The following WDR20 variants were observed in gnomAD, a reference collection of about 807,000 sequenced individuals.
The protein encoded by WDR20 is WD repeat-containing protein 20.
WDR20 carries 3 observed loss-of-function variants against 38.7 expected under a neutral mutation model. The observed-to-expected ratio is 0.08, with a 90% CI of 0.04 to 0.20. WDR20 has a LOEUF of 0.20. Ranked by LOEUF, WDR20 falls within the 10% of genes least tolerant of loss-of-function variation. WDR20 has a pLI of 1.00. For synonymous variants in WDR20, 298 were observed against 285.6 expected, an observed-to-expected ratio of 1.04 and a Z score of -0.44; for missense variants, 559 against 727.7, an observed-to-expected ratio of 0.77 and a Z score of 2.67.
At chr14:102,214,838 A>G, downstream of WDR20, 2 of 983,464 alleles carry the variant, frequency 2.0e-6, no homozygotes, top group East Asian at 1.1e-4. Context: ...GTATTGTTTT[A>G]TAATTTTAAG....
chr14:102,214,099 C>G, downstream of WDR20: 3 of 985,576 alleles, frequency 3.0e-6, no homozygotes, highest in Non-Finnish European at 3.6e-6. Flanking sequence ...GGTCGGTGTG[C>G]CCTTGGCTGA....
chr14:102,147,414 T>G (rs1039616373), intron 1 of WDR20, among the ~76,000 whole-genome samples: 1 of 152,142 alleles, frequency 6.6e-6, no homozygotes, highest in African/African-American at 2.4e-5. Flanking sequence ...TGGGTAGATA[T>G]GAGCAATGGT....
Position 102,195,117 on chromosome 14 carries a change from G to C in WDR20, c.429G>C (p.Glu143Asp), listed in dbSNP as rs772551709. The change falls in exon 2 of 3, where the codon GAG becomes GAC. Residue 143 changes from glutamate (E) to aspartate (D), a missense_variant. Coordinates refer to ENST00000342702, the MANE Select transcript of WDR20 (RefSeq NM_144574.4). ...AAGAAACTAGCAAACTTTTTAATGA[G>C]GAAGTAAGTAGCACCCTGTCTTAGC... ...IKKETSKLFNEERLIDKSRVT... is the reference protein window; with the variant it reads ...IKKETSKLFNDERLIDKSRVT... 6.2e-6 allele frequency: 10 copies of C among 1,614,000 alleles called. No individual in the cohort carries two copies. Among genetic ancestry groups the C allele is most frequent in the Non-Finnish European group, 7.6e-6 (9 of 1,179,976 alleles).
chr14:102,214,331 C>T (rs374530802), downstream of WDR20: 35 of 985,432 alleles, frequency 3.6e-5, no homozygotes, highest in Middle Eastern at 5.2e-4. Flanking sequence ...CACATCACAG[C>T]GACCCCAAGT....
chr14:102,203,906 TATTTA>T (rs1446658709), intron 2 of WDR20, among the ~76,000 whole-genome samples: 3 of 152,246 alleles, frequency 2.0e-5, no homozygotes, highest in African/African-American at 7.2e-5. Context: ...TTCTTGTATT[TATTTA>T]ATTAAATGTT....
chr14:102,143,381 T>TTAAC (rs2308176), intron 1 of WDR20, among the ~76,000 whole-genome samples: 124,363 of 151,766 alleles, frequency 0.82, 51,714 homozygotes, highest in East Asian at 0.97. Flanking sequence ...GCAAATTTAT[T>TTAAC]TAAAGACAGT....
Position 102,209,270 on chromosome 14 carries a change from A to G in WDR20, c.1100A>G (p.Tyr367Cys). Reference sequence around the variant, plus strand: ...GACAGCCGCCCCGTAAGTGTCACGTATCGGTTTGGTTCCGTGGGCCAGGAC... The same window carrying G: ...GACAGCCGCCCCGTAAGTGTCACGTGTCGGTTTGGTTCCGTGGGCCAGGAC... ...STDSRPVSVT[Y>C]RFGSVGQDTQ... is the part of the protein sequence containing the mutation. The change falls in exon 3 of 3, where the codon TAT (tyrosine) becomes TGT (cysteine). Residue 367 changes from tyrosine to cysteine, a missense_variant. Transcript: ENST00000342702. This position sits in a 1 kb window ranked among gnomAD's most constrained non-coding sequence, Gnocchi z 6.0. The G allele has an allele frequency of 6.2e-7, 1 of 1,614,230 alleles. No homozygotes were observed. Among genetic ancestry groups the G allele is most frequent in the South Asian group, 1.1e-5 (1 of 91,090 alleles).
intron 2 of WDR20, among the ~76,000 whole-genome samples, chr14:102,201,272 T>C (rs778342282): frequency 1.6e-4 from 25 of 152,274 alleles, no homozygotes; most frequent in Non-Finnish European, 2.8e-4. Flanking sequence ...TTGAATTGTT[T>C]CAGTATTTTT....
chr14:102,203,339 A>G (rs2060856263), intron 2 of WDR20, among the ~76,000 whole-genome samples: 1 of 152,202 alleles, frequency 6.6e-6, no homozygotes, highest in African/African-American at 2.4e-5. Context: ...TCAGCATATA[A>G]CCAGTGTAAA....
At chr14:102,167,554 G>C (rs1036144317) in intron 1 of WDR20, 1 of 152,176 alleles carries the variant, frequency 6.6e-6, no homozygotes, top group African/African-American at 2.4e-5. Flanking sequence ...CCTTTGCCTG[G>C]AATGTGCTTC....
In WDR20 at chr14:102,222,978, G is replaced by C; in HGVS notation, c.*95G>C. 6.6e-7 allele frequency: 1 copy of C among 1,509,782 alleles called. No homozygotes were observed. The highest frequency in any genetic ancestry group is 9.2e-7 in the Non-Finnish European group (1 of 1,091,370). The allele number at this position is 1,509,782 out of a possible 1,614,324, so 93.5% of individuals were successfully genotyped here. ...CTGCGCCTGAGCCGTGCCAGCCGGCGGACCTCAGGCGGTGGACGTCGGCGA... is the reference window on the plus strand; with the variant it reads ...CTGCGCCTGAGCCGTGCCAGCCGGCCGACCTCAGGCGGTGGACGTCGGCGA... On this transcript the variant is annotated 3_prime_UTR_variant, in exon 4 of 4. Transcript: ENST00000335263. This position sits in a 1 kb window ranked among gnomAD's most constrained non-coding sequence, Gnocchi z 4.4.
intron 1 of WDR20, among the ~76,000 whole-genome samples, chr14:102,184,389 AT>A (rs1050028607): frequency 1.3e-5 from 2 of 152,178 alleles, no homozygotes; most frequent in African/African-American, 4.8e-5. Flanking sequence ...AGAGAAGTAG[AT>A]TGTAATAGCT....
chr14:102,151,025 C>G (rs2055599320), intron 1 of WDR20, among the ~76,000 whole-genome samples: 1 of 152,154 alleles, frequency 6.6e-6, no homozygotes, highest in South Asian at 2.1e-4. Context: ...GATAAGTAAA[C>G]CAGCAATGAT....
Position 102,172,775 on chromosome 14 carries a change from G to A in WDR20, c.250-22163G>A, listed in dbSNP as rs1314397111. Among the ~76,000 whole-genome samples the A allele has an allele frequency of 4.9e-4, 73 of 150,424 alleles. 1 individual carries two copies. In the East Asian group the frequency reaches 0.011, roughly 22 times the overall value. The stretch of plus-strand genomic sequence containing the variant: ...CGGAGACGCTCCTCACTTCCCAGAC[G>A]GGGTGGCTGCTGGGCGGAGGGGCTC... On this transcript the variant is annotated intron_variant, in intron 1 of 2. Transcript: ENST00000342702.
At chr14:102,213,696 G>C, downstream of WDR20, 1 of 985,428 alleles carries the variant, frequency 1.0e-6, no homozygotes, top group Non-Finnish European at 1.2e-6. Flanking sequence ...CACTTCCTGG[G>C]GTTCATTTTA....
rs993827377 is a variant in WDR20, at chr14:102,197,696, G to A, written c.432+2576G>A. The A allele has an allele frequency of 1.8e-5, 12 of 657,988 alleles. No homozygotes were observed. In the African/African-American group the frequency reaches 2.1e-4, roughly 12 times the overall value. The allele number at this position is 657,988 out of a possible 1,614,324, so 40.8% of individuals were successfully genotyped here. A position where few individuals can be genotyped will look rare whatever the true frequency, so the allele number is the denominator to read the frequency against. ...CAATTTGGAACTGACACTGGAAGAT[G>A]TGGGGGAACCTTTGGCCTTTTAATG... On this transcript the variant is annotated intron_variant, in intron 2 of 2. Coordinates refer to ENST00000342702, the MANE Select transcript of WDR20 (RefSeq NM_144574.4).
intron 1 of WDR20, among the ~76,000 whole-genome samples, chr14:102,186,949 CA>C: frequency 8.2e-6 from 1 of 121,426 alleles, no homozygotes; most frequent in Non-Finnish European, 1.6e-5. Context: ...GACTCTGTCT[CA>C]GGAAAAAAAA....
chr14:102,170,716 G>A (rs142268030), intron 1 of WDR20, among the ~76,000 whole-genome samples: 42 of 151,478 alleles, frequency 2.8e-4, no homozygotes, highest in African/African-American at 1.0e-3. Context: ...TCACTGTGTT[G>A]CCCAGGCTGG....
intron 1 of WDR20, chr14:102,167,569 C>G (rs2060011458): frequency 6.6e-6 from 1 of 152,234 alleles, no homozygotes; most frequent in African/African-American, 2.4e-5. Context: ...TGCTTCTATT[C>G]CTCACTCTCT....
Sources: allele counts gnomAD v4.1 joint callset (sites outside exome capture counted in the v4.1 genomes callset), GRCh38; gene constraint gnomAD v4.1.1; non-coding constraint Gnocchi (gnomAD v3.1); transcripts MANE v1.5; gene names NCBI Gene and HGNC (gene_info 2026-07-23, HGNC 2026-07-21).